RBFOX1: variants seen among roughly 807,000 people sequenced by gnomAD.
The protein encoded by RBFOX1 is RNA binding protein fox-1 homolog 1.
RBFOX1 carries 8 observed loss-of-function variants against 57.7 expected under a neutral mutation model. The observed-to-expected ratio is 0.14, with a 90% CI of 0.08 to 0.25. The LOEUF is 0.25. Ranked by LOEUF, RBFOX1 falls within the 10% of genes least tolerant of loss-of-function variation. RBFOX1 has a pLI of 1.00. For synonymous variants in RBFOX1, 326 were observed against 222.4 expected, an observed-to-expected ratio of 1.47 and a Z score of -4.15; for missense variants, 611 against 548.5, an observed-to-expected ratio of 1.11 and a Z score of -1.14.
chr16:6,998,033 T>G (rs751511313), intron 3 of RBFOX1, among the ~76,000 whole-genome samples: 1 of 152,090 alleles, frequency 6.6e-6, no homozygotes, highest in Non-Finnish European at 1.5e-5. Context: ...GTTCTTTTGT[T>G]AAAATTCAAG....
intron 3 of RBFOX1, among the ~76,000 whole-genome samples, chr16:6,781,375 G>C (rs1194143681): frequency 6.6e-6 from 1 of 152,064 alleles, no homozygotes; most frequent in Non-Finnish European, 1.5e-5. Context: ...AGATATATTA[G>C]TCTGAAGTTT....
intron 1 of RBFOX1, among the ~76,000 whole-genome samples, chr16:6,139,189 A>G (rs2096692820): frequency 1.3e-5 from 2 of 152,140 alleles, no homozygotes; most frequent in African/African-American, 4.8e-5. Context: ...GGTCCTGAGG[A>G]CTGAATCCAA....
intron 1 of RBFOX1, among the ~76,000 whole-genome samples, chr16:5,266,402 T>C (rs891354519): frequency 2.6e-5 from 4 of 152,040 alleles, no homozygotes; most frequent in African/African-American, 9.7e-5. Context: ...GAACTGCTGC[T>C]CTCATAAAGG....
chr16:6,194,282 C>T (rs1317328162), intron 1 of RBFOX1, among the ~76,000 whole-genome samples: 1 of 152,138 alleles, frequency 6.6e-6, no homozygotes, highest in Non-Finnish European at 1.5e-5. Context: ...TTCTTTGTGA[C>T]CAGTTCACCT....
chr16:6,534,463 T>A (rs1030035111), intron 2 of RBFOX1, among the ~76,000 whole-genome samples: 15 of 152,170 alleles, frequency 9.9e-5, no homozygotes, highest in Non-Finnish European at 1.9e-4. Context: ...AGACTTCATA[T>A]ATATTTACCT....
intron 2 of RBFOX1, among the ~76,000 whole-genome samples, chr16:6,347,325 G>A (rs1363249212): frequency 3.3e-5 from 5 of 152,238 alleles, no homozygotes; most frequent in African/African-American, 4.8e-5. Flanking sequence ...TCTTTACTGG[G>A]GGCTTCATGT....
At chr16:6,572,750 C>T (rs367706846) in intron 2 of RBFOX1, among the ~76,000 whole-genome samples, 13 of 152,192 alleles carry the variant, frequency 8.5e-5, no homozygotes, top group East Asian at 3.9e-4. Flanking sequence ...GAGATATGCA[C>T]CCAGCTAATT....
intron 3 of RBFOX1, among the ~76,000 whole-genome samples, chr16:6,758,637 C>T (rs1338586680): frequency 6.6e-6 from 1 of 152,112 alleles, no homozygotes; most frequent in Non-Finnish European, 1.5e-5. Flanking sequence ...ATGCCTAAGA[C>T]TTTTAAAGCA....
At chr16:6,514,085 A>G (rs1598621509) in intron 2 of RBFOX1, among the ~76,000 whole-genome samples, 2 of 152,348 alleles carry the variant, frequency 1.3e-5, no homozygotes, top group South Asian at 4.1e-4. Flanking sequence ...TTGGTCGTCA[A>G]GAATGAGCTT....
intron 1 of RBFOX1, among the ~76,000 whole-genome samples, chr16:6,156,901 A>G (rs1051862741): frequency 4.6e-5 from 7 of 152,296 alleles, no homozygotes; most frequent in African/African-American, 1.7e-4. Flanking sequence ...TGGCAGGGGC[A>G]TGATTATGGT....
At chr16:6,893,287 A>G (rs555568999) in intron 3 of RBFOX1, among the ~76,000 whole-genome samples, 5 of 152,296 alleles carry the variant, frequency 3.3e-5, no homozygotes, top group South Asian at 2.1e-4. Flanking sequence ...CTTGTCTTAG[A>G]TTACTGGGAG....
chr16:7,691,030 GAATT>G (rs1184363537), intron 14 of RBFOX1, among the ~76,000 whole-genome samples: 5 of 152,066 alleles, frequency 3.3e-5, no homozygotes, highest in East Asian at 1.9e-4. Flanking sequence ...TGAATTCATG[GAATT>G]AATTAATGAA....
intron 4 of RBFOX1, among the ~76,000 whole-genome samples, chr16:7,218,440 A>G (rs543247992): frequency 6.6e-6 from 1 of 152,320 alleles, no homozygotes. Context: ...ATTTAAAGCC[A>G]TATTCGATCC....
chr16:5,812,651 G>A lies in RBFOX1; in HGVS notation c.319-54652G>A. Among the ~76,000 whole-genome samples the A allele has an allele frequency of 1.3e-5, 2 of 151,918 alleles. 1 individual carries two copies. Among genetic ancestry groups the A allele is most frequent in the South Asian group, 4.2e-4 (2 of 4,796 alleles). On this transcript the variant is annotated intron_variant, in intron 3 of 19. Coordinates refer to the RBFOX1 transcript ENST00000641259. ...ATTCTTTTTTATCTTTGGTAGACCC[G>A]GGCTCTCCCTCTGTTGCCTACGTTG...
chr16:5,702,074 A>T (rs907593159), intron 3 of RBFOX1, among the ~76,000 whole-genome samples: 57 of 152,266 alleles, frequency 3.7e-4, no homozygotes, highest in African/African-American at 1.3e-3. Flanking sequence ...AGTGAGAAGG[A>T]GGTGGGGAAT....
At position 6,921,400 on chromosome 16, in the gene RBFOX1, G is replaced by A. The variant is rs77987722; in HGVS notation, c.-15-130657G>A. ...ATGGATATGCTTCGAAGATCACCCA[G>A]GTTGTTGGCACAATTTATTTCCTGT... On this transcript the variant is annotated intron_variant, in intron 3 of 15. Coordinates refer to ENST00000550418, the MANE Select transcript of RBFOX1 (RefSeq NM_018723.4). 2.0e-3 allele frequency among the ~76,000 whole-genome samples: 309 copies of A among 152,212 alleles called. 1 individual carries two copies. Among genetic ancestry groups the A allele is most frequent in the African/African-American group, 7.1e-3 (294 of 41,556 alleles).
intron 9 of RBFOX1, among the ~76,000 whole-genome samples, chr16:7,600,590 C>G (rs1333597782): frequency 6.6e-6 from 1 of 152,138 alleles, no homozygotes; most frequent in Non-Finnish European, 1.5e-5. Context: ...ATAATTCATT[C>G]TCACAAAGCA....
chr16:5,763,304 A>C (rs893194088), intron 3 of RBFOX1, among the ~76,000 whole-genome samples: 1 of 152,174 alleles, frequency 6.6e-6, no homozygotes, highest in African/African-American at 2.4e-5. Context: ...TGGGAAACAC[A>C]CACAAGAGCG....
At chr16:5,660,428 T>A (rs2151387453) in intron 3 of RBFOX1, among the ~76,000 whole-genome samples, 1 of 152,314 alleles carries the variant, frequency 6.6e-6, no homozygotes, top group South Asian at 2.1e-4. Flanking sequence ...GGAGAGATAC[T>A]GTCCTCTAGA....
Sources: allele counts gnomAD v4.1 joint callset (sites outside exome capture counted in the v4.1 genomes callset), GRCh38; gene constraint gnomAD v4.1.1; transcripts MANE v1.5; gene names NCBI Gene and HGNC (gene_info 2026-07-23, HGNC 2026-07-21).